Variants in FOLH1 observed in about 807,000 individuals in gnomAD.
FOLH1 encodes folate hydrolase 1.
A neutral mutation model predicts 93.9 loss-of-function variants in FOLH1; 54 were observed. The observed-to-expected ratio is 0.57, with a 90% CI of 0.46 to 0.72. The LOEUF is 0.72. Ranked by LOEUF, FOLH1 falls within the 30% of genes least tolerant of loss-of-function variation. The pLI is 0.00. For missense variants in FOLH1, 571 were observed against 892.5 expected (o/e 0.64, Z 4.59); for synonymous variants, 249 against 303.6 (o/e 0.82, Z 1.87).
chr11:49,193,017 TG>T, intron 3 of FOLH1, 123 bp from the exon 4 acceptor site: 2 of 703,774 alleles, frequency 2.8e-6, no homozygotes, highest in Non-Finnish European at 4.3e-6. Flanking sequence ...TTCAGGATTT[TG>T]ATGATAGTAT....
At chr11:49,179,123 T>C (rs886121835) in intron 7 of FOLH1, among the ~76,000 whole-genome samples, 5 of 152,172 alleles carry the variant, frequency 3.3e-5, no homozygotes, top group African/African-American at 1.2e-4. Flanking sequence ...AGGTTTCACT[T>C]GATCTGGATT....
chr11:49,177,247 T>A (rs7126892), intron 7 of FOLH1, among the ~76,000 whole-genome samples: 5,126 of 152,322 alleles, frequency 0.034, 121 homozygotes, highest in Non-Finnish European at 0.051. Context: ...GGAGTTTGTA[T>A]ATTAAACAGA....
intron 12 of FOLH1, among the ~76,000 whole-genome samples, chr11:49,165,261 T>C (rs1254396211): frequency 2.6e-5 from 4 of 152,214 alleles, no homozygotes; most frequent in Non-Finnish European, 5.9e-5. Flanking sequence ...TGTCTTTTTA[T>C]TATTGGCCCT....
intron 5 of FOLH1, chr11:49,186,104 A>G (rs1186523207): frequency 1.6e-5 from 9 of 577,318 alleles, no homozygotes; most frequent in Non-Finnish European, 2.2e-5. Flanking sequence ...GCTATTTCCT[A>G]CCACTAGCTT....
chr11:49,201,777 G>A (rs1863284426), intron 2 of FOLH1, among the ~76,000 whole-genome samples: 1 of 152,144 alleles, frequency 6.6e-6, no homozygotes, highest in Non-Finnish European at 1.5e-5. Context: ...AACTAATGTA[G>A]GATGCAGATA....
chr11:49,208,516 T>C lies in FOLH1; in HGVS notation c.-107A>G, dbSNP rs1043465020. 12 of 716,804 alleles carry C rather than the reference T, an allele frequency of 1.7e-5. No homozygotes were observed. Among genetic ancestry groups the C allele is most frequent in the Admixed American group, 1.2e-4 (4 of 34,500 alleles). The allele number at this position is 716,804 out of a possible 1,614,324, so 44.4% of individuals were successfully genotyped here. On this transcript the variant is annotated 5_prime_UTR_variant, in exon 1 of 19. Coordinates refer to ENST00000256999, the MANE Select transcript of FOLH1 (RefSeq NM_004476.3). ...GTAAAGTCTCTCTCAATCTCACTAA[T>C]GCCTCGCTTATCAGCCCTGCAGGCT...
rs761703243 is a variant in FOLH1 at position 49,148,704 on chromosome 11, A to G, written c.1998T>C (p.Asp666=). Residue 666 remains aspartate (D), a synonymous_variant, in exon 18 of 19, where the codon GAT becomes GAC. Transcript: ENST00000256999. Reference sequence around the variant, plus strand: ...ATGCTCTTTCCAGAAACATGAGTTGATCATTCATCATTCTTAATACTATTG... The same window carrying G: ...ATGCTCTTTCCAGAAACATGAGTTGGTCATTCATCATTCTTAATACTATTG... ...SNPIVLRMMN[D]QLMFLERAFI... The G allele has an allele frequency of 6.9e-6, 11 of 1,604,794 alleles. No homozygotes were observed. The East Asian group carries it at 2.5e-4, about 36-fold the overall frequency.
intron 11 of FOLH1, among the ~76,000 whole-genome samples, chr11:49,169,576 T>G (rs1858953381): frequency 6.6e-6 from 1 of 152,232 alleles, no homozygotes; most frequent in Admixed American, 6.5e-5. Context: ...TTAGCAAACA[T>G]GAATGACCTA....
chr11:49,155,363 C>T (rs1856893558), intron 15 of FOLH1, among the ~76,000 whole-genome samples: 1 of 152,042 alleles, frequency 6.6e-6, no homozygotes, highest in Non-Finnish European at 1.5e-5. Context: ...ACCTCACAGA[C>T]AGGAGACTGA....
chr11:49,160,145 G>C (rs1283991547), intron 13 of FOLH1, among the ~76,000 whole-genome samples: 1 of 152,026 alleles, frequency 6.6e-6, no homozygotes, highest in African/African-American at 2.4e-5. Context: ...TCTGATGTTT[G>C]TATTTCTGTG....
At chr11:49,188,733 C>G (rs1861699188) in intron 4 of FOLH1, among the ~76,000 whole-genome samples, 1 of 152,072 alleles carries the variant, frequency 6.6e-6, no homozygotes. Context: ...GGATCAGCAA[C>G]AACAGTTCAA....
At chr11:49,199,156 CTG>C (rs1431967205) in intron 3 of FOLH1, among the ~76,000 whole-genome samples, 1 of 152,072 alleles carries the variant, frequency 6.6e-6, no homozygotes, top group East Asian at 1.9e-4. Flanking sequence ...ACTGATCAAA[CTG>C]GACATATTTC....
chr11:49,197,484 C>T (rs778458778), intron 3 of FOLH1, among the ~76,000 whole-genome samples: 11 of 151,950 alleles, frequency 7.2e-5, no homozygotes, highest in Non-Finnish European at 1.5e-4. Context: ...ATAAAAAAGT[C>T]AATATATAGT....
At chr11:49,188,994 A>G (rs1861720515) in intron 4 of FOLH1, among the ~76,000 whole-genome samples, 1 of 152,314 alleles carries the variant, frequency 6.6e-6, no homozygotes, top group South Asian at 2.1e-4. Context: ...ACCATTCACT[A>G]TCTTAACATT....
intron 3 of FOLH1, among the ~76,000 whole-genome samples, chr11:49,193,194 G>A (rs1862260716): frequency 6.6e-6 from 1 of 152,062 alleles, no homozygotes; most frequent in Admixed American, 6.6e-5. Context: ...AAATAAGTAA[G>A]TACTATAGAA....
intron 3 of FOLH1, among the ~76,000 whole-genome samples, chr11:49,193,922 G>T (rs1425470342): frequency 6.6e-6 from 1 of 152,054 alleles, no homozygotes; most frequent in Non-Finnish European, 1.5e-5. Context: ...CACTTTGGGA[G>T]CCCAAGGTGG....
At chr11:49,149,787 T>C (rs1856272866) in intron 17 of FOLH1, among the ~76,000 whole-genome samples, 2 of 152,160 alleles carry the variant, frequency 1.3e-5, no homozygotes, top group South Asian at 4.1e-4. Flanking sequence ...TCCATCCTAC[T>C]TTTAGATATT....
intron 13 of FOLH1, among the ~76,000 whole-genome samples, chr11:49,159,949 G>C (rs1857504311): frequency 6.8e-6 from 1 of 147,506 alleles, no homozygotes. Context: ...TTTTGATGAA[G>C]TCTTGCACTG....
chr11:49,206,400 T>C, intron 1 of FOLH1: 1 of 777,604 alleles, frequency 1.3e-6, no homozygotes, highest in Non-Finnish European at 2.1e-6. Flanking sequence ...TTATCCAACT[T>C]CAATGATAGG....
Sources: gnomAD v4.1 joint callset for allele counts (sites outside exome capture counted in the v4.1 genomes callset) on GRCh38, gnomAD v4.1.1 for gene constraint, MANE v1.5 for transcripts, NCBI Gene and HGNC (gene_info 2026-07-23, HGNC 2026-07-21) for gene names.